TRIM71: variants seen among roughly 807,000 people sequenced by gnomAD.
The protein encoded by TRIM71 is E3 ubiquitin-protein ligase TRIM71.
Under a neutral mutation model 61.2 loss-of-function variants are expected in TRIM71, and 9 were observed. That is an observed-to-expected ratio of 0.15 (90% confidence interval 0.09 to 0.26). The LOEUF (loss-of-function observed/expected upper bound fraction) is 0.26. TRIM71 is among the 10% of genes least tolerant of loss of function. The probability of loss-of-function intolerance (pLI) is 1.00; values close to 1 mark genes in which losing one functional copy is unlikely to be tolerated. For synonymous variants in TRIM71, 645 were observed against 553.2 expected (o/e 1.17, Z -2.33); for missense variants, 998 against 1,238.7 (o/e 0.81, Z 2.92).
chr3:32,850,273 T>TG (rs544410257), intron 1 of TRIM71, among the ~76,000 whole-genome samples: 196 of 152,274 alleles, frequency 1.3e-3, no homozygotes, highest in Admixed American at 2.6e-3. Context: ...AGATTTTTTT[T>TG]TGTGTGCAAT....
chr3:32,873,801 C>T lies in TRIM71; in HGVS notation c.853-17C>T. On this transcript the variant is annotated splice_polypyrimidine_tract_variant and intron_variant, in intron 1 of 3. Transcript: ENST00000383763. ...TCCTGCATCTCCATTTATGCCTGTA[C>T]CCTCTCTTGTCCCCAGGTGCTGCAC... 1 of 1,541,838 alleles carries T rather than the reference C, an allele frequency of 6.5e-7. No individual in the cohort carries two copies. The highest frequency in any genetic ancestry group is 8.8e-7 in the Non-Finnish European group (1 of 1,135,186).
intron 1 of TRIM71, among the ~76,000 whole-genome samples, chr3:32,870,588 G>T (rs1245667921): frequency 6.6e-6 from 1 of 152,058 alleles, no homozygotes. Flanking sequence ...GCCTTTCGCT[G>T]CCATACCGGC....
rs369498889 is a variant in TRIM71, at chr3:32,819,568, CCCCCAGT to C, written c.852+638_852+644del. Among the ~76,000 whole-genome samples the C allele has an allele frequency of 3.1e-3, 475 of 152,266 alleles. 3 individuals are homozygous for C. Among genetic ancestry groups the C allele is most frequent in the Middle Eastern group, 0.014 (4 of 294 alleles). On this transcript the variant is annotated intron_variant, in intron 1 of 3. Coordinates refer to ENST00000383763, the MANE Select transcript of TRIM71 (RefSeq NM_001039111.3). ...TCTGTGGATCTTTGAGGGCCAAGGG[CCCCCAGT>C]CTTAAGCCCTTCTCTCTCTGCGGCT...
Position 32,877,223 on chromosome 3 carries a change from C to T in TRIM71, c.1020+3238C>T, listed in dbSNP as rs1437998868. On this transcript the variant is annotated intron_variant, in intron 2 of 3. Transcript: ENST00000383763. The stretch of plus-strand genomic sequence containing the variant: ...GTTTCAAGTGATTCTCCTGCCTCAG[C>T]CTCCCGAGTAGCTGGGGTTACAGGA... 5.3e-5 allele frequency among the ~76,000 whole-genome samples: 8 copies of T among 152,266 alleles called. No homozygotes were observed. In the East Asian group the frequency reaches 1.3e-3, roughly 26 times the overall value.
chr3:32,833,145 T>C (rs1220086177), intron 1 of TRIM71, among the ~76,000 whole-genome samples: 1 of 128,402 alleles, frequency 7.8e-6, no homozygotes, highest in Non-Finnish European at 1.6e-5. Context: ...ACTGCACCAT[T>C]GCACTCCAGC....
At chr3:32,841,923 A>C (rs1417728237) in intron 1 of TRIM71, among the ~76,000 whole-genome samples, 1 of 152,144 alleles carries the variant, frequency 6.6e-6, no homozygotes, top group African/African-American at 2.4e-5. Flanking sequence ...CGGCCTCCCA[A>C]AATGCATGTG....
chr3:32,818,471 C>T lies in TRIM71; in HGVS notation c.391C>T (p.Pro131Ser). ...GGTGGTGGCCACTGCCGACGAGCCG[C>T]CGCCCAAGAACGGGCGCGCCGGCGC... ...DAVVATADEP[P>S]PKNGRAGAPA... The change falls in exon 1 of 4, where the codon CCG becomes TCG. Residue 131 changes from proline (P) to serine (S), a missense_variant. Around this residue, in one of 5 missense-constraint regions of TRIM71, gnomAD observed 527 missense variants for 427.8 expected, o/e 1.23. Coordinates refer to ENST00000383763, the MANE Select transcript of TRIM71 (RefSeq NM_001039111.3). 1 of 1,452,702 alleles carries T rather than the reference C, an allele frequency of 6.9e-7. No individual in the cohort carries two copies. The highest frequency in any genetic ancestry group is 1.3e-5 in the South Asian group (1 of 77,388). 90.0% of individuals were successfully genotyped at this position (1,452,702 alleles called of 1,614,324 possible). A position where few individuals can be genotyped will look rare whatever the true frequency, so the allele number is the denominator to read the frequency against.
Position 32,895,842 on chromosome 3 carries a change from T to G in TRIM71, c.*4031T>G, listed in dbSNP as rs1021143033. ...TTTCTACCTCACTTGTGGCAAGTCA[T>G]CTACCTCATGTTAGCATCTGACAGG... On this transcript the variant is annotated 3_prime_UTR_variant, in exon 4 of 4. Coordinates refer to ENST00000383763, the MANE Select transcript of TRIM71 (RefSeq NM_001039111.3). 2.0e-5 allele frequency: 3 copies of G among 152,282 alleles called. No homozygotes were observed. The highest frequency in any genetic ancestry group is 2.9e-5 in the Non-Finnish European group (2 of 68,050). 9.4% of individuals were successfully genotyped at this position (152,282 alleles called of 1,614,324 possible). A position where few individuals can be genotyped will look rare whatever the true frequency, so the allele number is the denominator to read the frequency against.
chr3:32,862,183 A>C (rs1696679093), intron 1 of TRIM71, among the ~76,000 whole-genome samples: 1 of 152,222 alleles, frequency 6.6e-6, no homozygotes, highest in Non-Finnish European at 1.5e-5. Flanking sequence ...TCAAGACAGA[A>C]GGCAACTAAG....
chr3:32,867,427 TTGTG>T (rs922431271), intron 1 of TRIM71, among the ~76,000 whole-genome samples: 2 of 151,820 alleles, frequency 1.3e-5, no homozygotes, highest in Non-Finnish European at 2.9e-5. Flanking sequence ...TGACAAAAAT[TTGTG>T]TGTGTGTGTA....
At position 32,833,184 on chromosome 3, in the gene TRIM71, TAAAAAAAAAAA is replaced by T. The variant is rs1182178339; in HGVS notation, c.852+14270_852+14280del. ...GGTGACAAGAATGAAACTCTGTCTT[TAAAAAAAAAAA>T]AAAAAAAAAAAAAAAAAGAGGCAGC... On this transcript the variant is annotated intron_variant, in intron 1 of 3. Transcript: ENST00000383763. Among the ~76,000 whole-genome samples the T allele has an allele frequency of 2.4e-3, 132 of 54,436 alleles. 3 individuals are homozygous for T. The highest frequency in any genetic ancestry group is 2.9e-3 in the Non-Finnish European group (87 of 30,096). 35.7% of individuals were successfully genotyped at this position (54,436 alleles called of 152,430 possible).
intron 1 of TRIM71, among the ~76,000 whole-genome samples, chr3:32,833,564 T>A (rs1696299131): frequency 6.6e-6 from 1 of 152,066 alleles, no homozygotes. Flanking sequence ...ACATTCAGTG[T>A]GTGATGGTTA....
intron 1 of TRIM71, among the ~76,000 whole-genome samples, chr3:32,844,260 AT>A (rs952132721): frequency 1.4e-4 from 21 of 152,148 alleles, no homozygotes; most frequent in African/African-American, 5.1e-4. Context: ...GGGGATTCTA[AT>A]GCTGGTGGCC....
intron 1 of TRIM71, among the ~76,000 whole-genome samples, chr3:32,846,222 C>T (rs1696472838): frequency 6.6e-6 from 1 of 151,766 alleles, no homozygotes; most frequent in Admixed American, 6.6e-5. Flanking sequence ...ACTACAGGCG[C>T]CTACCACCAT....
chr3:32,869,695 C>A (rs529730905), intron 1 of TRIM71, among the ~76,000 whole-genome samples: 1 of 152,246 alleles, frequency 6.6e-6, no homozygotes, highest in Non-Finnish European at 1.5e-5. Flanking sequence ...GTCTCCCGCC[C>A]GTTCCTTTCC....
chr3:32,886,674 T>G (rs1696965050), intron 3 of TRIM71, among the ~76,000 whole-genome samples: 2 of 152,180 alleles, frequency 1.3e-5, no homozygotes, highest in African/African-American at 4.8e-5. Flanking sequence ...CCATGCCAAT[T>G]CTTTAACTAT....
intron 1 of TRIM71, among the ~76,000 whole-genome samples, chr3:32,834,487 A>G (rs1217764275): frequency 6.6e-6 from 1 of 152,222 alleles, no homozygotes; most frequent in African/African-American, 2.4e-5. Flanking sequence ...CAGGCATACA[A>G]TGAAAGGCAT....
At chr3:32,829,271 A>G (rs1398589100) in intron 1 of TRIM71, among the ~76,000 whole-genome samples, 5 of 132,566 alleles carry the variant, frequency 3.8e-5, no homozygotes, top group African/African-American at 8.7e-5. Context: ...TGCAACCTCC[A>G]CCTCTCAGGT....
At chr3:32,822,422 A>AT (rs1696145243) in intron 1 of TRIM71, among the ~76,000 whole-genome samples, 1 of 152,184 alleles carries the variant, frequency 6.6e-6, no homozygotes, top group South Asian at 2.1e-4. Flanking sequence ...GACCCTGAAC[A>AT]TTGAGCACTC....
Sources: gnomAD v4.1 joint callset for allele counts (sites outside exome capture counted in the v4.1 genomes callset) on GRCh38, gnomAD v4.1.1 for gene constraint, gnomAD v4.1.1 regional missense constraint, MANE v1.5 for transcripts, NCBI Gene and HGNC (gene_info 2026-07-23, HGNC 2026-07-21) for gene names.